MAN1A1: variants seen among roughly 807,000 people sequenced by gnomAD.
MAN1A1 encodes the protein mannosyl-oligosaccharide 1,2-alpha-mannosidase IA.
MAN1A1 carries 29 observed loss-of-function variants against 70.8 expected under a neutral mutation model. The ratio of observed to expected loss-of-function variants is 0.41; its 90% CI spans 0.31 to 0.56. The LOEUF is 0.56. MAN1A1 is among the 20% of genes least tolerant of loss of function. The probability of loss-of-function intolerance (pLI) is 0.29; values close to 1 mark genes in which losing one functional copy is unlikely to be tolerated. For missense variants in MAN1A1, 747 were observed against 841.3 expected (o/e 0.89, Z 1.39); for synonymous variants, 349 against 330.1 (o/e 1.06, Z -0.62).
At chr6:119,297,323 T>G (rs555322759) in intron 4 of MAN1A1, among the ~76,000 whole-genome samples, 1 of 152,350 alleles carries the variant, frequency 6.6e-6, no homozygotes, top group African/African-American at 2.4e-5. Context: ...CAGCTGAGTA[T>G]AGCACAGACT....
chr6:119,324,251 T>C (rs546666012), intron 2 of MAN1A1, among the ~76,000 whole-genome samples: 1 of 152,312 alleles, frequency 6.6e-6, no homozygotes, highest in South Asian at 2.1e-4. Context: ...AATAAATATA[T>C]TTTCTAACAA....
At chr6:119,281,415 C>T (rs1776222158) in intron 5 of MAN1A1, among the ~76,000 whole-genome samples, 1 of 152,166 alleles carries the variant, frequency 6.6e-6, no homozygotes, top group African/African-American at 2.4e-5. Flanking sequence ...TGTAGTGGCC[C>T]TATGACTTGC....
chr6:119,328,386 C>T (rs2114488582), intron 2 of MAN1A1, among the ~76,000 whole-genome samples: 1 of 152,320 alleles, frequency 6.6e-6, no homozygotes, highest in African/African-American at 2.4e-5. Flanking sequence ...TCATCACTCT[C>T]ACAGGTAAGA....
At chr6:119,348,435 G>A in intron 2 of MAN1A1, 28 bp downstream of exon 2, 1 of 1,542,454 alleles carries the variant, frequency 6.5e-7, no homozygotes, top group South Asian at 1.2e-5. Context: ...CGGCCGGTCG[G>A]GAGGGATTTC....
At chr6:119,186,949 C>T (rs1040437) in intron 11 of MAN1A1, among the ~76,000 whole-genome samples, 2,892 of 152,250 alleles carry the variant, frequency 0.019, 103 homozygotes, top group African/African-American at 0.063. Flanking sequence ...CACAGGGAAA[C>T]GATTTCAGGT....
Position 119,333,362 on chromosome 6 carries a change from C to T in MAN1A1, c.603+15101G>A, listed in dbSNP as rs143809777. Among the ~76,000 whole-genome samples, 957 of 152,246 alleles carry T rather than the reference C, an allele frequency of 6.3e-3. 6 individuals are homozygous for T. The highest frequency in any genetic ancestry group is 0.022 in the African/African-American group (906 of 41,528). ...ATTCACCTCTCAAGGTTCCAGGAAG[C>T]GAGAGGGCTGCTCATTCCCTGCTGC... is the stretch of plus-strand genomic sequence containing the variant. On this transcript the variant is annotated intron_variant, in intron 2 of 12. Transcript: ENST00000368468.
intron 6 of MAN1A1, among the ~76,000 whole-genome samples, chr6:119,240,511 T>C (rs1308527799): frequency 6.6e-6 from 1 of 152,112 alleles, no homozygotes; most frequent in Non-Finnish European, 1.5e-5. Context: ...ACAGCCTGTG[T>C]TCAGAGGCAG....
At chr6:119,212,201 G>A (rs1030425260) in intron 6 of MAN1A1, among the ~76,000 whole-genome samples, 5 of 151,296 alleles carry the variant, frequency 3.3e-5, no homozygotes, top group Non-Finnish European at 7.4e-5. Flanking sequence ...GGTAACCTAA[G>A]GCCAATCTCT....
At position 119,180,435 on chromosome 6, in the gene MAN1A1, A is replaced by G. The variant is rs756320917; in HGVS notation, c.1720-8T>C. 8.3e-6 allele frequency: 12 copies of G among 1,444,666 alleles called. No individual in the cohort carries two copies. Among genetic ancestry groups the G allele is most frequent in the Non-Finnish European group, 9.6e-6 (10 of 1,041,014 alleles). 89.5% of individuals were successfully genotyped at this position (1,444,666 alleles called of 1,614,324 possible). ...GCAATGGTTTTCCAAGGCCTAAATTATAGAGGAGGAAAAAAAAAAGTCACA... is the reference window on the plus strand; with the variant it reads ...GCAATGGTTTTCCAAGGCCTAAATTGTAGAGGAGGAAAAAAAAAAGTCACA... On this transcript the variant is annotated splice_region_variant and splice_polypyrimidine_tract_variant and intron_variant, in intron 11 of 12. Coordinates refer to ENST00000368468, the MANE Select transcript of MAN1A1 (RefSeq NM_005907.4).
chr6:119,205,295 A>T (rs1483480835), intron 6 of MAN1A1, among the ~76,000 whole-genome samples: 1 of 152,204 alleles, frequency 6.6e-6, no homozygotes, highest in Non-Finnish European at 1.5e-5. Flanking sequence ...GGACATTCAC[A>T]TTATATACAA....
At chr6:119,300,417 G>C (rs1041917793) in intron 4 of MAN1A1, among the ~76,000 whole-genome samples, 1 of 151,788 alleles carries the variant, frequency 6.6e-6, no homozygotes, top group African/African-American at 2.4e-5. Context: ...CACCATGCCT[G>C]GCTATTTTTT....
chr6:119,207,484 A>G (rs1387049485), intron 6 of MAN1A1, among the ~76,000 whole-genome samples: 1 of 152,178 alleles, frequency 6.6e-6, no homozygotes, highest in Non-Finnish European at 1.5e-5. Context: ...GAGATGGCAC[A>G]ACTATAGACA....
intron 5 of MAN1A1, among the ~76,000 whole-genome samples, chr6:119,274,564 A>T (rs1051143149): frequency 6.6e-6 from 1 of 152,222 alleles, no homozygotes; most frequent in African/African-American, 2.4e-5. Flanking sequence ...ATTGAAAATA[A>T]TATTTTTTTC....
At chr6:119,198,296 A>G (rs1356083145) in intron 8 of MAN1A1, among the ~76,000 whole-genome samples, 1 of 152,180 alleles carries the variant, frequency 6.6e-6, no homozygotes, top group Non-Finnish European at 1.5e-5. Flanking sequence ...AGGCTGAGGC[A>G]GGAGAATTGC....
In MAN1A1 at chr6:119,348,710, T is replaced by A; in HGVS notation, c.356A>T (p.Asp119Val). Residue 119 changes from aspartate (D) to valine (V), a missense_variant, in exon 2 of 13, where the codon GAC becomes GTC. Transcript: ENST00000368468. ...APGDPEAALE[D>V]NLARIRENHE... ...GTTTTCGCGGATCCTGGCCAAGTTG[T>A]CCTCCAGGGCGGCCTCCGGGTCCCC... 1 of 1,602,668 alleles carries A rather than the reference T, an allele frequency of 6.2e-7. No individual in the cohort carries two copies. The highest frequency in any genetic ancestry group is 2.3e-5 in the East Asian group (1 of 43,300).
chr6:119,291,221 C>T (rs1776534206), intron 4 of MAN1A1, among the ~76,000 whole-genome samples: 1 of 151,958 alleles, frequency 6.6e-6, no homozygotes, highest in South Asian at 2.1e-4. Context: ...TTTCCCTGCA[C>T]AAGCTCTTTC....
At position 119,334,703 on chromosome 6, in the gene MAN1A1, C is replaced by A. The variant is rs569847256; in HGVS notation, c.603+13760G>T. Among the ~76,000 whole-genome samples, 7 of 152,336 alleles carry A rather than the reference C, an allele frequency of 4.6e-5. No individual in the cohort carries two copies. In the East Asian group the frequency reaches 1.3e-3, roughly 29 times the overall value. On this transcript the variant is annotated intron_variant, in intron 2 of 12. Coordinates refer to ENST00000368468, the MANE Select transcript of MAN1A1 (RefSeq NM_005907.4). ...ATCTCTGCTGCCAATGTAGTTAAAGCTGCAGCAGCTCTAATAATCAACGGA... is the reference window on the plus strand; with the variant it reads ...ATCTCTGCTGCCAATGTAGTTAAAGATGCAGCAGCTCTAATAATCAACGGA...
At position 119,180,358 on chromosome 6, in the gene MAN1A1, T is replaced by C. The variant is rs1773117316; in HGVS notation, c.1789A>G (p.Ser597Gly). 6.2e-7 allele frequency: 1 copy of C among 1,613,776 alleles called. No homozygotes were observed. The highest frequency in any genetic ancestry group is 1.3e-5 in the African/African-American group (1 of 74,966). Residue 597 changes from serine (S) to glycine (G), a missense_variant, in exon 12 of 13, where the codon AGT becomes GGT. Physicochemically the swap from Ser to Gly is moderately conservative, Grantham distance 56 (BLOSUM62 0). This residue lies in a region of MAN1A1 where 419 missense variants were observed against 548.2 expected (regional missense o/e 0.76). Coordinates refer to ENST00000368468, the MANE Select transcript of MAN1A1 (RefSeq NM_005907.4). Reference sequence around the variant, plus strand: ...AAACTCTGCTGCACATCATCATAACTCTCATGAAGAAGGTAAACATCCCTT... The same window carrying C: ...AAACTCTGCTGCACATCATCATAACCCTCATGAAGAAGGTAAACATCCCTT... ...GLRDVYLLHESYDDVQQSFFL... is the reference protein window; with the variant it reads ...GLRDVYLLHEGYDDVQQSFFL...
chr6:119,343,960 A>C (rs1261800142), intron 2 of MAN1A1, among the ~76,000 whole-genome samples: 1 of 152,182 alleles, frequency 6.6e-6, no homozygotes, highest in African/African-American at 2.4e-5. Context: ...TGACCTTCGG[A>C]CACATGCTTA....
Sources: allele counts gnomAD v4.1 joint callset (sites outside exome capture counted in the v4.1 genomes callset), GRCh38; gene constraint gnomAD v4.1.1; regional missense constraint gnomAD v4.1.1; transcripts MANE v1.5; gene names NCBI Gene and HGNC (gene_info 2026-07-23, HGNC 2026-07-21).